Variants in PTBP2 observed in about 807,000 individuals in gnomAD.
The protein encoded by PTBP2 is polypyrimidine tract-binding protein 2.
Under a neutral mutation model 61.4 loss-of-function variants are expected in PTBP2, and 13 were observed. That is an observed-to-expected ratio of 0.21 (90% CI 0.14 to 0.34). The LOEUF (loss-of-function observed/expected upper bound fraction) is 0.34. Among genes scored for constraint, PTBP2 ranks in the 10% least tolerant of loss-of-function variants. The pLI is 1.00. For synonymous variants in PTBP2, 215 were observed against 218.5 expected (o/e 0.98, Z 0.14); for missense variants, 405 against 642.6 (o/e 0.63, Z 4.00).
chr1:96,810,595 G>A (rs1661982539), intron 11 of PTBP2, among the ~76,000 whole-genome samples: 1 of 152,036 alleles, frequency 6.6e-6, no homozygotes, highest in African/African-American at 2.4e-5. Flanking sequence ...TACTATGCCT[G>A]GGACTTATTT....
At chr1:96,761,588 C>T (rs1359669298) in intron 3 of PTBP2, among the ~76,000 whole-genome samples, 1 of 151,692 alleles carries the variant, frequency 6.6e-6, no homozygotes, top group Non-Finnish European at 1.5e-5. Context: ...TGGAAGAAGA[C>T]AAGTTTGGAA....
At chr1:96,786,780 C>G (rs1659257185) in intron 8 of PTBP2, among the ~76,000 whole-genome samples, 1 of 151,856 alleles carries the variant, frequency 6.6e-6, no homozygotes, top group Non-Finnish European at 1.5e-5. Context: ...GATAAAATAC[C>G]AAGAAACTCC....
At chr1:96,764,489 C>T (rs1656424413) in intron 3 of PTBP2, among the ~76,000 whole-genome samples, 1 of 152,148 alleles carries the variant, frequency 6.6e-6, no homozygotes, top group African/African-American at 2.4e-5. Context: ...ATACATATTT[C>T]TGCCAGTGGT....
intron 2 of PTBP2, among the ~76,000 whole-genome samples, chr1:96,740,274 C>A (rs1016023501): frequency 1.7e-4 from 26 of 152,290 alleles, no homozygotes; most frequent in African/African-American, 6.0e-4. Context: ...GATCAAGGTA[C>A]CAGCAAGGCA....
At chr1:96,797,558 G>C (rs554149635) in intron 8 of PTBP2, among the ~76,000 whole-genome samples, 1 of 152,190 alleles carries the variant, frequency 6.6e-6, no homozygotes, top group Admixed American at 6.5e-5. Context: ...CCCCTTGGTG[G>C]TATACATGGG....
chr1:96,808,976 G>A (rs1189115651), intron 11 of PTBP2, among the ~76,000 whole-genome samples: 2 of 152,072 alleles, frequency 1.3e-5, no homozygotes, highest in African/African-American at 4.8e-5. Flanking sequence ...GGAAAAGGAT[G>A]TAAAGAGATA....
chr1:96,809,732 C>T (rs1557779602), intron 11 of PTBP2, among the ~76,000 whole-genome samples: 4 of 151,998 alleles, frequency 2.6e-5, no homozygotes, highest in Admixed American at 2.6e-4. Flanking sequence ...GTTGCCCAGA[C>T]AGAAGTTATT....
chr1:96,788,245 A>G (rs1308322565), intron 8 of PTBP2, among the ~76,000 whole-genome samples: 2 of 152,114 alleles, frequency 1.3e-5, no homozygotes, highest in Non-Finnish European at 2.9e-5. Flanking sequence ...ATTAATATGC[A>G]TATTTTGGAT....
Position 96,806,916 on chromosome 1 carries a change from A to C in PTBP2, c.1129A>C (p.Ser377Arg). ...RVKILYNKKD[S>R]ALIQMADGNQ... ...GAAGATTTTATACAATAAGAAAGAC[A>C]GCGCTCTAATACAGATGGCTGATGG... Residue 377 changes from serine (S) to arginine (R), a missense_variant, in exon 11 of 14, where the codon AGC becomes CGC. Ser to Arg is a moderately radical substitution (Grantham distance 110). This residue lies in a region of PTBP2 where 342 missense variants were observed against 491.2 expected (regional missense o/e 0.70). Coordinates refer to ENST00000674951, the MANE Select transcript of PTBP2 (RefSeq NM_021190.4). The C allele has an allele frequency of 2.5e-6, 4 of 1,612,590 alleles. No individual in the cohort carries two copies. The highest frequency in any genetic ancestry group is 3.4e-6 in the Non-Finnish European group (4 of 1,179,514).
intron 2 of PTBP2, among the ~76,000 whole-genome samples, chr1:96,749,354 A>G (rs935238632): frequency 1.3e-5 from 2 of 152,162 alleles, no homozygotes; most frequent in African/African-American, 4.8e-5. Context: ...GAATAAGCTG[A>G]TAATAATACA....
intron 8 of PTBP2, among the ~76,000 whole-genome samples, chr1:96,799,286 A>G (rs565475180): frequency 8.1e-6 from 1 of 124,160 alleles, no homozygotes; most frequent in African/African-American, 3.4e-5. Context: ...TCCTCAGAAT[A>G]GATCAAGCTT....
At chr1:96,818,077 G>A (rs1662548689), downstream of PTBP2, 1 of 152,040 alleles carries the variant, frequency 6.6e-6, no homozygotes, top group South Asian at 2.1e-4. Flanking sequence ...TGAATTATGT[G>A]TAAGGTCCTT....
chr1:96,781,168 G>A (rs140096613), intron 7 of PTBP2, among the ~76,000 whole-genome samples: 15 of 152,108 alleles, frequency 9.9e-5, no homozygotes, highest in Middle Eastern at 3.4e-3. Flanking sequence ...CTTCTGGACC[G>A]TCAATCATAA....
chr1:96,757,796 G>A (rs1250723478), intron 3 of PTBP2, among the ~76,000 whole-genome samples: 1 of 152,042 alleles, frequency 6.6e-6, no homozygotes, highest in African/African-American at 2.4e-5. Flanking sequence ...CTAAATATTA[G>A]AAATTACACA....
intron 3 of PTBP2, among the ~76,000 whole-genome samples, chr1:96,763,611 A>G (rs1002791329): frequency 9.4e-4 from 4 of 4,250 alleles, no homozygotes; most frequent in African/African-American, 2.6e-3. Context: ...AGGGAGGGGG[A>G]GGGGGAGGGG....
At chr1:96,776,125 A>C (rs763502656) in intron 5 of PTBP2, among the ~76,000 whole-genome samples, 4 of 151,994 alleles carry the variant, frequency 2.6e-5, no homozygotes, top group Non-Finnish European at 4.4e-5. Context: ...CCTATTTTAG[A>C]AAACATTTTA....
rs149217525 is a variant in PTBP2, at chr1:96,782,587, G to T, written c.709-2472G>T. 7.9e-5 allele frequency among the ~76,000 whole-genome samples: 12 copies of T among 151,974 alleles called. No homozygotes were observed. In the East Asian group the frequency reaches 2.3e-3, roughly 29 times the overall value. ...TACCAGGGTGGGGTTATTTGATATT[G>T]GTAAATAATTAGTCTGAAGTATTAC... On this transcript the variant is annotated intron_variant, in intron 7 of 13. Transcript: ENST00000674951.
intron 8 of PTBP2, among the ~76,000 whole-genome samples, chr1:96,796,421 G>T (rs1382135647): frequency 6.6e-6 from 1 of 152,084 alleles, no homozygotes; most frequent in Admixed American, 6.6e-5. Flanking sequence ...ACAGATGAAA[G>T]AAGTGAGGAT....
At chr1:96,794,534 A>C (rs750171462) in intron 8 of PTBP2, among the ~76,000 whole-genome samples, 1 of 152,230 alleles carries the variant, frequency 6.6e-6, no homozygotes, top group Non-Finnish European at 1.5e-5. Context: ...TGAACATTTC[A>C]TAGCCCTAGA....
Sources: gnomAD v4.1 joint callset for allele counts (sites outside exome capture counted in the v4.1 genomes callset) on GRCh38, gnomAD v4.1.1 for gene constraint, gnomAD v4.1.1 regional missense constraint, MANE v1.5 for transcripts, NCBI Gene and HGNC (gene_info 2026-07-23, HGNC 2026-07-21) for gene names.